Variants in MYRIP observed in about 807,000 individuals in gnomAD.
MYRIP encodes the protein myosin VIIA and Rab interacting protein.
In MYRIP, 49 loss-of-function variants were observed where a neutral mutation model predicts 98.0. The ratio of observed to expected loss-of-function variants is 0.50; its 90% CI spans 0.40 to 0.63. MYRIP has a LOEUF of 0.63. Ranked by LOEUF, MYRIP falls within the 30% of genes least tolerant of loss-of-function variation. The probability of loss-of-function intolerance (pLI) is 0.00; values close to 1 mark genes in which losing one functional copy is unlikely to be tolerated. For synonymous variants in MYRIP, 404 were observed against 409.5 expected (o/e 0.99, Z 0.16); for missense variants, 1,004 against 1,058.2 (o/e 0.95, Z 0.71).
intron 2 of MYRIP, among the ~76,000 whole-genome samples, chr3:39,973,689 T>G (rs1039460680): frequency 9.0e-6 from 1 of 110,686 alleles, no homozygotes; most frequent in Non-Finnish European, 1.7e-5. Context: ...GAAGAGAAAT[T>G]ATAACAAACT....
chr3:39,889,846 A>T (rs1943436574), intron 1 of MYRIP, among the ~76,000 whole-genome samples: 2 of 152,222 alleles, frequency 1.3e-5, no homozygotes, highest in South Asian at 4.1e-4. Flanking sequence ...TAAAAGAATC[A>T]TCTCATGTTT....
chr3:40,075,076 G>T (rs1319022398), intron 3 of MYRIP, among the ~76,000 whole-genome samples: 1 of 152,082 alleles, frequency 6.6e-6, no homozygotes, highest in Admixed American at 6.5e-5. Context: ...CAACAAAAAT[G>T]AAAAATCATT....
intron 2 of MYRIP, among the ~76,000 whole-genome samples, chr3:39,981,897 T>C (rs1945905175): frequency 6.6e-6 from 1 of 151,874 alleles, no homozygotes. Flanking sequence ...TATCAATAGG[T>C]TAAATAAAAG....
chr3:40,168,853 G>A (rs1439750237), intron 7 of MYRIP, among the ~76,000 whole-genome samples: 6 of 152,344 alleles, frequency 3.9e-5, no homozygotes, highest in Non-Finnish European at 8.8e-5. Flanking sequence ...CCTATACTGG[G>A]AGGGTCTGCA....
chr3:40,105,199 T>G (rs888244107), intron 3 of MYRIP, among the ~76,000 whole-genome samples: 1 of 152,234 alleles, frequency 6.6e-6, no homozygotes, highest in Admixed American at 6.5e-5. Flanking sequence ...ATTTCTATTA[T>G]TATATCTGTA....
chr3:39,954,687 G>A (rs1945110795), intron 2 of MYRIP, among the ~76,000 whole-genome samples: 1 of 152,150 alleles, frequency 6.6e-6, no homozygotes, highest in Non-Finnish European at 1.5e-5. Context: ...CGAGTTGACA[G>A]AAGTAGGCCT....
At chr3:39,873,435 A>G (rs1183529853) in intron 1 of MYRIP, among the ~76,000 whole-genome samples, 1 of 152,080 alleles carries the variant, frequency 6.6e-6, no homozygotes, top group Non-Finnish European at 1.5e-5. Flanking sequence ...CTGAATGGTA[A>G]TGCCTAGGTT....
chr3:40,004,140 C>T (rs1946582784), intron 2 of MYRIP, among the ~76,000 whole-genome samples: 1 of 152,194 alleles, frequency 6.6e-6, no homozygotes, highest in African/African-American at 2.4e-5. Context: ...CCACTGAGCA[C>T]CCTGATGTCT....
intron 3 of MYRIP, among the ~76,000 whole-genome samples, chr3:40,096,940 C>T (rs975080638): frequency 2.6e-5 from 4 of 152,202 alleles, no homozygotes; most frequent in South Asian, 2.1e-4. Context: ...CTCCGCCCAT[C>T]GTCCTAACTC....
At chr3:40,166,785 G>A (rs921411441) in intron 5 of MYRIP, 61 bp from the exon 6 acceptor site, 2 of 1,155,120 alleles carry the variant, frequency 1.7e-6, no homozygotes, top group Non-Finnish European at 2.6e-6. Flanking sequence ...AGAAGAGCTT[G>A]AACAATCGTT....
chr3:40,218,935 G>C (rs576151995), intron 11 of MYRIP, among the ~76,000 whole-genome samples: 1 of 151,850 alleles, frequency 6.6e-6, no homozygotes, highest in African/African-American at 2.4e-5. Context: ...ATAAAATATA[G>C]CCAAGAAAAC....
rs146801773 is a variant in MYRIP at position 39,932,727 on chromosome 3, C to T, written c.110+31801C>T. ...GCCAGAAGTGGTCAGAGAGATCCATCGTCAAGAATTTTGAGAGTTCATTGA... is the reference window on the plus strand; with the variant it reads ...GCCAGAAGTGGTCAGAGAGATCCATTGTCAAGAATTTTGAGAGTTCATTGA... On this transcript the variant is annotated intron_variant, in intron 2 of 16. Coordinates refer to ENST00000302541, the MANE Select transcript of MYRIP (RefSeq NM_015460.4). Among the ~76,000 whole-genome samples the T allele has an allele frequency of 5.5e-3, 834 of 152,206 alleles. 1 individual carries two copies. Among genetic ancestry groups the T allele is most frequent in the Non-Finnish European group, 8.8e-3 (597 of 68,002 alleles).
intron 2 of MYRIP, among the ~76,000 whole-genome samples, chr3:39,940,131 A>C (rs549645457): frequency 3.5e-4 from 53 of 152,252 alleles, no homozygotes; most frequent in African/African-American, 9.4e-4. Flanking sequence ...TGTGTGTTTT[A>C]ACACACTTGA....
chr3:39,811,344 T>C (rs1050151788), intron 1 of MYRIP, among the ~76,000 whole-genome samples: 5 of 152,116 alleles, frequency 3.3e-5, no homozygotes, highest in African/African-American at 1.2e-4. Context: ...TAGGATATGA[T>C]AAATGTGAAA....
At chr3:40,075,117 G>A (rs1392122350) in intron 3 of MYRIP, among the ~76,000 whole-genome samples, 4 of 152,100 alleles carry the variant, frequency 2.6e-5, no homozygotes, top group Non-Finnish European at 5.9e-5. Flanking sequence ...AAACATTTAA[G>A]TTTAATGACA....
chr3:40,023,747 G>A (rs1947057615), intron 2 of MYRIP, among the ~76,000 whole-genome samples: 2 of 152,194 alleles, frequency 1.3e-5, no homozygotes, highest in Admixed American at 1.3e-4. Context: ...ACACAGAGGA[G>A]ACTATGGAAA....
chr3:40,022,349 G>A (rs1209808137), intron 2 of MYRIP, among the ~76,000 whole-genome samples: 1 of 152,202 alleles, frequency 6.6e-6, no homozygotes, highest in East Asian at 1.9e-4. Flanking sequence ...ATGCATGGCA[G>A]AACTAGAGAC....
intron 2 of MYRIP, among the ~76,000 whole-genome samples, chr3:40,029,450 A>G (rs1417007125): frequency 6.6e-6 from 1 of 152,198 alleles, no homozygotes. Flanking sequence ...GTGTTAGAAG[A>G]TATGTAAGCC....
intron 11 of MYRIP, among the ~76,000 whole-genome samples, chr3:40,218,475 TTGG>T (rs1952194258): frequency 6.6e-6 from 1 of 151,246 alleles, no homozygotes; most frequent in African/African-American, 2.4e-5. Context: ...ATATCTTGAT[TTGG>T]TGGTAGCTAC....
Sources: gnomAD v4.1 joint callset for allele counts (sites outside exome capture counted in the v4.1 genomes callset) on GRCh38, gnomAD v4.1.1 for gene constraint, MANE v1.5 for transcripts, NCBI Gene and HGNC (gene_info 2026-07-23, HGNC 2026-07-21) for gene names.